The following DMD variants were observed in gnomAD, a reference collection of about 807,000 sequenced individuals.
DMD encodes the protein mutant dystrophin.
In DMD, 63 loss-of-function variants were observed where a neutral mutation model predicts 330.1. The ratio of observed to expected loss-of-function variants is 0.19; its 90% CI spans 0.16 to 0.24. The LOEUF is 0.24. Ranked by LOEUF, DMD falls within the 10% of genes least tolerant of loss-of-function variation. The pLI is 1.00. For missense variants in DMD, 3,344 were observed against 2,684.1 expected (o/e 1.25, Z -5.43); for synonymous variants, 1,223 against 959.8 (o/e 1.27, Z -5.07).
chrX:32,119,638 T>G (rs2096626409), intron 44 of DMD, among the ~76,000 whole-genome samples: 1 of 111,629 alleles, frequency 9.0e-6, no homozygotes, highest in Non-Finnish European at 1.9e-5. Flanking sequence ...TACTGCCTCC[T>G]TCTCATTTGC....
intron 52 of DMD, among the ~76,000 whole-genome samples, chrX:31,681,730 G>T (rs761470581): frequency 3.5e-5 from 4 of 112,818 alleles, no homozygotes; most frequent in South Asian, 3.6e-4. Context: ...TTCTTATTTT[G>T]TTATGTAAGT....
At chrX:32,618,807 T>C (rs368996258) in intron 11 of DMD, among the ~76,000 whole-genome samples, 1 of 111,111 alleles carries the variant, frequency 9.0e-6, no homozygotes. Flanking sequence ...ATTACGTACC[T>C]GCAAAAGTTA....
intron 7 of DMD, among the ~76,000 whole-genome samples, chrX:32,731,441 G>C (rs1003990109): frequency 1.8e-5 from 2 of 112,780 alleles, no homozygotes; most frequent in Non-Finnish European, 3.7e-5. Context: ...GCCTCTGTAG[G>C]CTCCACCTCT....
intron 2 of DMD, 115 bp from the exon 3 acceptor site, chrX:32,849,935 T>G: frequency 1.6e-6 from 1 of 609,949 alleles, no homozygotes; most frequent in Non-Finnish European, 2.6e-6. Flanking sequence ...GTGTGCATAA[T>G]TAATCTGCCG....
chrX:32,370,631 A>G (rs1343209856), intron 34 of DMD, among the ~76,000 whole-genome samples: 2 of 110,663 alleles, frequency 1.8e-5, no homozygotes, highest in African/African-American at 3.3e-5. Flanking sequence ...TCATTGCACC[A>G]AGTTAATGAT....
chrX:33,326,863 T>C lies in DMD; in HGVS notation c.7+12396A>G, dbSNP rs145386984. 3.6e-3 allele frequency among the ~76,000 whole-genome samples: 400 copies of C among 110,207 alleles called. 1 individual carries two copies. The highest frequency in any genetic ancestry group is 0.013 in the African/African-American group (387 of 30,339). On this transcript the variant is annotated intron_variant, in intron 1 of 17. Transcript: ENST00000288447. The stretch of plus-strand genomic sequence containing the variant: ...AACTAAGGTGGTGACTGTCAGGAGA[T>C]ATGGAGGGGGGATGGCAGAGCTAAA...
intron 1 of DMD, among the ~76,000 whole-genome samples, chrX:33,223,615 T>C (rs2148876001): frequency 8.9e-6 from 1 of 112,125 alleles, no homozygotes; most frequent in East Asian, 2.8e-4. Flanking sequence ...AAATGTAAAA[T>C]GCAAAACTAT....
At chrX:32,358,463 T>G (rs373940883) in intron 37 of DMD, among the ~76,000 whole-genome samples, 1 of 111,528 alleles carries the variant, frequency 9.0e-6, no homozygotes, top group Non-Finnish European at 1.9e-5. Context: ...TCTGATTGAC[T>G]GTTGCAATTC....
chrX:32,943,196 A>C (rs1047377354), intron 2 of DMD, among the ~76,000 whole-genome samples: 2 of 111,754 alleles, frequency 1.8e-5, no homozygotes, highest in African/African-American at 6.5e-5. Flanking sequence ...TTTAAATAAA[A>C]GAACTTATGA....
At chrX:31,862,110 T>C (rs1329132281) in intron 48 of DMD, among the ~76,000 whole-genome samples, 1 of 110,542 alleles carries the variant, frequency 9.0e-6, no homozygotes, top group Non-Finnish European at 1.9e-5. Flanking sequence ...TGGAAGAAAG[T>C]ATCTATTCAA....
intron 7 of DMD, among the ~76,000 whole-genome samples, chrX:32,782,569 G>C (rs1197319496): frequency 9.0e-6 from 1 of 111,372 alleles, no homozygotes; most frequent in Non-Finnish European, 1.9e-5. Context: ...TGCAGTCACA[G>C]AAAAAGATGA....
At chrX:32,734,405 C>T (rs1471520338) in intron 7 of DMD, among the ~76,000 whole-genome samples, 1 of 103,999 alleles carries the variant, frequency 9.6e-6, no homozygotes, top group Non-Finnish European at 1.9e-5. Context: ...TCCTCCCTAA[C>T]TCATTTTATG....
chrX:32,109,745 G>C (rs2096580935), intron 44 of DMD, among the ~76,000 whole-genome samples: 1 of 111,348 alleles, frequency 9.0e-6, no homozygotes, highest in Non-Finnish European at 1.9e-5. Context: ...ATAAAGTTTT[G>C]TGTTAAATGC....
intron 51 of DMD, among the ~76,000 whole-genome samples, chrX:31,763,301 C>T (rs1040612154): frequency 2.6e-4 from 29 of 112,537 alleles, no homozygotes; most frequent in South Asian, 7.3e-4. Flanking sequence ...CGGTGGCTCA[C>T]GCCTGTAATC....
chrX:32,566,444 T>C (rs1187072577), intron 15 of DMD, among the ~76,000 whole-genome samples: 6 of 112,623 alleles, frequency 5.3e-5, no homozygotes, highest in Non-Finnish European at 9.4e-5. Flanking sequence ...AATCTCATTA[T>C]GTGATTTACT....
chrX:33,222,098 A>C (rs2148874782), intron 1 of DMD, among the ~76,000 whole-genome samples: 1 of 111,902 alleles, frequency 8.9e-6, no homozygotes, highest in South Asian at 3.7e-4. Context: ...CCAGAAAAAC[A>C]GTACAAAAGA....
intron 62 of DMD, 140 bp from the exon 63 acceptor site, chrX:31,261,156 G>C: frequency 1.4e-5 from 7 of 499,086 alleles, no homozygotes; most frequent in Middle Eastern, 9.0e-4. Flanking sequence ...CGCTTCCATA[G>C]TGTATTGAAG....
intron 1 of DMD, among the ~76,000 whole-genome samples, chrX:33,301,753 G>A (rs1222072190): frequency 3.6e-5 from 4 of 111,010 alleles, no homozygotes; most frequent in African/African-American, 1.3e-4. Context: ...GTTAGTTCTC[G>A]GTTCTCACCA....
intron 2 of DMD, among the ~76,000 whole-genome samples, chrX:33,013,509 C>T (rs757164821): frequency 1.8e-5 from 2 of 111,669 alleles, no homozygotes; most frequent in South Asian, 7.5e-4. Context: ...TTAATTCTTC[C>T]TATTATCAGA....
Sources: gnomAD v4.1 joint callset for allele counts (sites outside exome capture counted in the v4.1 genomes callset) on GRCh38, gnomAD v4.1.1 for gene constraint, MANE v1.5 for transcripts, NCBI Gene and HGNC (gene_info 2026-07-23, HGNC 2026-07-21) for gene names.